The following HACE1 variants were observed in gnomAD, a reference collection of about 807,000 sequenced individuals.
HACE1 encodes the protein E3 ubiquitin-protein ligase HACE1.
Under a neutral mutation model 118.4 loss-of-function variants are expected in HACE1, and 73 were observed. The observed-to-expected ratio is 0.62, with a 90% CI of 0.51 to 0.75. HACE1 has a LOEUF of 0.75. HACE1 is among the 30% of genes least tolerant of loss of function. The pLI is 0.00. For synonymous variants in HACE1, 368 were observed against 374.8 expected (o/e 0.98, Z 0.21); for missense variants, 749 against 1,102.2 (o/e 0.68, Z 4.54).
chr6:104,753,658 C>T (rs1778305324), intron 19 of HACE1, among the ~76,000 whole-genome samples: 2 of 152,248 alleles, frequency 1.3e-5, no homozygotes, highest in Non-Finnish European at 2.9e-5. Flanking sequence ...GCCCTATATA[C>T]AGTAAAGTGG....
At chr6:104,730,477 T>G in intron 22 of HACE1, 61 bp from the exon 23 acceptor site, 1 of 865,020 alleles carries the variant, frequency 1.2e-6, no homozygotes, top group Non-Finnish European at 2.0e-6. Flanking sequence ...GACAGATAAA[T>G]TTCAAGTTCT....
intron 13 of HACE1, 39 bp downstream of exon 13, chr6:104,784,378 A>T (rs1298984926): frequency 3.8e-5 from 50 of 1,314,392 alleles, no homozygotes; most frequent in Non-Finnish European, 5.1e-5. Context: ...TAAAGAGAGG[A>T]AAGGCTAGCA....
intron 17 of HACE1, among the ~76,000 whole-genome samples, chr6:104,774,882 G>T (rs1462923113): frequency 6.6e-6 from 1 of 152,146 alleles, no homozygotes; most frequent in Non-Finnish European, 1.5e-5. Flanking sequence ...AATTATTATA[G>T]ATATCGGGTC....
At chr6:104,733,970 T>C (rs1477863751) in intron 22 of HACE1, among the ~76,000 whole-genome samples, 1 of 151,530 alleles carries the variant, frequency 6.6e-6, no homozygotes, top group Admixed American at 6.6e-5. Flanking sequence ...CTGGCCAACA[T>C]GGTGAAACTC....
In HACE1 at chr6:104,852,376, G is replaced by T; in HGVS notation, c.77-5C>A. 2 of 1,477,202 alleles carry T rather than the reference G, an allele frequency of 1.4e-6. No individual in the cohort carries two copies. The highest frequency in any genetic ancestry group is 9.2e-7 in the Non-Finnish European group (1 of 1,082,248). The allele number at this position is 1,477,202 out of a possible 1,614,324, so 91.5% of individuals were successfully genotyped here. On this transcript the variant is annotated splice_polypyrimidine_tract_variant and splice_region_variant and intron_variant, in intron 1 of 23. Coordinates refer to ENST00000262903, the MANE Select transcript of HACE1 (RefSeq NM_020771.4). ...TATAAACAGCAGTTTCATTATCTGA[G>T]TAAAAAAAAACAAAGAGTTCATTTA...
At chr6:104,839,214 T>G (rs1774851945) in intron 5 of HACE1, among the ~76,000 whole-genome samples, 1 of 152,222 alleles carries the variant, frequency 6.6e-6, no homozygotes, top group African/African-American at 2.4e-5. Context: ...TATCCCAATG[T>G]GTACCCTGCT....
At chr6:104,828,615 A>G (rs1222963830) in intron 6 of HACE1, among the ~76,000 whole-genome samples, 2 of 152,066 alleles carry the variant, frequency 1.3e-5, no homozygotes, top group Non-Finnish European at 2.9e-5. Context: ...GAAGTAGTTT[A>G]AAATCATGGT....
At chr6:104,837,164 G>A (rs1774627943) in intron 5 of HACE1, among the ~76,000 whole-genome samples, 1 of 152,120 alleles carries the variant, frequency 6.6e-6, no homozygotes, top group Admixed American at 6.5e-5. Context: ...AAATTTATAT[G>A]GAAAGGCAAA....
At chr6:104,746,075 C>G (rs538746493) in intron 20 of HACE1, among the ~76,000 whole-genome samples, 2 of 152,166 alleles carry the variant, frequency 1.3e-5, no homozygotes, top group East Asian at 1.9e-4. Context: ...TACCAGTCTT[C>G]CCACTGTTTC....
chr6:104,851,050 A>G, intron 2 of HACE1, 54 bp from the exon 3 acceptor site: 10 of 1,005,992 alleles, frequency 9.9e-6, no homozygotes, highest in Non-Finnish European at 1.6e-5. Flanking sequence ...TTAAAAACAT[A>G]ATAAATCAAG....
At chr6:104,810,616 T>C (rs780646593) in intron 7 of HACE1, among the ~76,000 whole-genome samples, 1 of 152,122 alleles carries the variant, frequency 6.6e-6, no homozygotes, top group Admixed American at 6.5e-5. Context: ...TGACGGCATG[T>C]GTATAATTAT....
chr6:104,846,322 TC>T (rs557461242), intron 4 of HACE1, among the ~76,000 whole-genome samples: 101 of 152,168 alleles, frequency 6.6e-4, no homozygotes, highest in African/African-American at 2.1e-3. Context: ...AAAGAAAAAC[TC>T]TTCTTTCAAA....
At chr6:104,766,439 T>C (rs1486956948) in intron 19 of HACE1, among the ~76,000 whole-genome samples, 6 of 152,184 alleles carry the variant, frequency 3.9e-5, no homozygotes, top group African/African-American at 1.4e-4. Context: ...TACTCTGAAT[T>C]ATGGATGCTC....
chr6:104,799,991 G>C (rs1770131448), intron 7 of HACE1, among the ~76,000 whole-genome samples: 1 of 152,076 alleles, frequency 6.6e-6, no homozygotes. Context: ...CTGGAAAAAC[G>C]GGACACTCCT....
intron 19 of HACE1, among the ~76,000 whole-genome samples, chr6:104,752,626 T>A (rs1778184114): frequency 6.6e-6 from 1 of 152,112 alleles, no homozygotes; most frequent in African/African-American, 2.4e-5. Context: ...AATAAAAGAT[T>A]TATGACTTGC....
intron 5 of HACE1, among the ~76,000 whole-genome samples, chr6:104,838,371 T>C (rs910977923): frequency 2.6e-5 from 4 of 152,062 alleles, no homozygotes; most frequent in Admixed American, 6.6e-5. Flanking sequence ...CACAGACCAA[T>C]GGGACAGAAC....
intron 6 of HACE1, among the ~76,000 whole-genome samples, chr6:104,825,432 AC>A (rs1382344832): frequency 6.6e-6 from 1 of 151,994 alleles, no homozygotes; most frequent in African/African-American, 2.4e-5. Context: ...ACAGCAACCA[AC>A]CTCTGATTGG....
rs543616314 is a variant in HACE1, at chr6:104,837,972, T to C, written c.403-4799A>G. Among the ~76,000 whole-genome samples the C allele has an allele frequency of 4.0e-5, 6 of 151,826 alleles. No individual in the cohort carries two copies. The East Asian group carries it at 1.2e-3, about 29-fold the overall frequency. On this transcript the variant is annotated intron_variant, in intron 5 of 23. Coordinates refer to ENST00000262903, the MANE Select transcript of HACE1 (RefSeq NM_020771.4). ...TAATCCCATTTATGACAGCTACAAA[T>C]AAAATAAAATACCTAGGAATCAACT... is the stretch of plus-strand genomic sequence containing the variant.
At chr6:104,857,828 G>A (rs923427132) in intron 1 of HACE1, among the ~76,000 whole-genome samples, 1 of 151,988 alleles carries the variant, frequency 6.6e-6, no homozygotes, top group Non-Finnish European at 1.5e-5. Context: ...CTGGTGGCAG[G>A]GGCCTGTAGT....
Sources: allele counts gnomAD v4.1 joint callset (sites outside exome capture counted in the v4.1 genomes callset), GRCh38; gene constraint gnomAD v4.1.1; transcripts MANE v1.5; gene names NCBI Gene and HGNC (gene_info 2026-07-23, HGNC 2026-07-21).